The following KIRREL3 variants were observed in gnomAD, a reference collection of about 807,000 sequenced individuals.
KIRREL3 encodes kirre like nephrin family adhesion molecule 3, also known as kin of IRRE-like protein 3.
KIRREL3 carries 36 observed loss-of-function variants against 89.7 expected under a neutral mutation model. That is an observed-to-expected ratio of 0.40 (90% CI 0.31 to 0.53). The LOEUF is 0.53. Among genes scored for constraint, KIRREL3 ranks in the 20% least tolerant of loss-of-function variants. The pLI, the probability that KIRREL3 is intolerant of heterozygous loss-of-function variation, is 0.49. For synonymous variants in KIRREL3, 445 were observed against 441.4 expected (o/e 1.01, Z -0.10); for missense variants, 864 against 1,056.6 (o/e 0.82, Z 2.53).
intron 1 of KIRREL3, among the ~76,000 whole-genome samples, chr11:126,661,285 G>C (rs1005378942): frequency 6.6e-6 from 1 of 152,170 alleles, no homozygotes; most frequent in African/African-American, 2.4e-5. Flanking sequence ...GTTTGGTTGT[G>C]TGTTGTTTAT....
rs1359980722 is a variant in KIRREL3 at position 126,892,610 on chromosome 11, G to T, written c.55+107845C>A. On this transcript the variant is annotated intron_variant, in intron 1 of 16. Coordinates refer to ENST00000525144, the MANE Select transcript of KIRREL3 (RefSeq NM_032531.4). The surrounding 1 kb of genome is among the most constrained non-coding windows in gnomAD (Gnocchi z 5.4). ...TGTGCACGTGTGTGTGCATGTGCAC[G>T]TGTGTATGTATTATGTGTGTGTGTT... Among the ~76,000 whole-genome samples the T allele has an allele frequency of 1.3e-5, 2 of 152,216 alleles. No homozygotes were observed. Among genetic ancestry groups the T allele is most frequent in the Non-Finnish European group, 1.5e-5 (1 of 68,044 alleles).
chr11:126,979,730 A>C (rs1306205720), intron 1 of KIRREL3, among the ~76,000 whole-genome samples: 3 of 152,242 alleles, frequency 2.0e-5, no homozygotes. Flanking sequence ...GTGAAAACTT[A>C]AATGAAATCA....
intron 1 of KIRREL3, among the ~76,000 whole-genome samples, chr11:126,914,034 T>A (rs1946937302): frequency 6.6e-6 from 1 of 152,250 alleles, no homozygotes; most frequent in Non-Finnish European, 1.5e-5. Context: ...CGACTCTTGC[T>A]TGGCTTTGTG....
rs901439811 is a variant in KIRREL3 at position 126,795,004 on chromosome 11, C to T, written c.55+205451G>A. 1.3e-5 allele frequency among the ~76,000 whole-genome samples: 2 copies of T among 152,206 alleles called. No individual in the cohort carries two copies. Among genetic ancestry groups the T allele is most frequent in the African/African-American group, 4.8e-5 (2 of 41,436 alleles). Reference sequence around the variant, plus strand: ...GAAGTCAGTCTGAAAAGGCTAAATACTGTGTGATGTCAACTATATAATATT... The same window carrying T: ...GAAGTCAGTCTGAAAAGGCTAAATATTGTGTGATGTCAACTATATAATATT... On this transcript the variant is annotated intron_variant, in intron 1 of 16. Transcript: ENST00000525144. This position sits in a 1 kb window ranked among gnomAD's most constrained non-coding sequence, Gnocchi z 4.1.
chr11:126,659,107 A>T (rs1010301412), intron 1 of KIRREL3, among the ~76,000 whole-genome samples: 4 of 152,238 alleles, frequency 2.6e-5, no homozygotes, highest in African/African-American at 9.6e-5. Context: ...ACAGAAAATG[A>T]TACATTTTCC....
rs1030815548 is a variant in KIRREL3 at position 126,891,216 on chromosome 11, G to A, written c.55+109239C>T. On this transcript the variant is annotated intron_variant, in intron 1 of 16. Coordinates refer to ENST00000525144, the MANE Select transcript of KIRREL3 (RefSeq NM_032531.4). This position sits in a 1 kb window ranked among gnomAD's most constrained non-coding sequence, Gnocchi z 5.1. ...CAAGATACTGCAAATTATAAAGGGT[G>A]ATTAGGAAATAGCATGGCTCTCTAT... Among the ~76,000 whole-genome samples the A allele has an allele frequency of 6.6e-6, 1 of 152,192 alleles. No homozygotes were observed. The highest frequency in any genetic ancestry group is 1.5e-5 in the Non-Finnish European group (1 of 68,034).
In KIRREL3 at chr11:126,985,299, A is replaced by G. The variant is rs1222164703; in HGVS notation, c.55+15156T>C. On this transcript the variant is annotated intron_variant, in intron 1 of 16. Coordinates refer to ENST00000525144, the MANE Select transcript of KIRREL3 (RefSeq NM_032531.4). This position sits in a 1 kb window ranked among gnomAD's most constrained non-coding sequence, Gnocchi z 5.3. ...ATGTAAGAAATACTGATTGTATCTG[A>G]CTCTGCGCCCAAGTCCAACAAAGCC... Among the ~76,000 whole-genome samples the G allele has an allele frequency of 6.6e-6, 1 of 152,020 alleles. No homozygotes were observed. The highest frequency in any genetic ancestry group is 1.5e-5 in the Non-Finnish European group (1 of 68,012).
At chr11:126,706,523 A>G (rs927137960) in intron 1 of KIRREL3, among the ~76,000 whole-genome samples, 1 of 152,234 alleles carries the variant, frequency 6.6e-6, no homozygotes, top group Non-Finnish European at 1.5e-5. Flanking sequence ...AATGCTTAAT[A>G]AATGACATGT....
chr11:126,430,360 G>A lies in KIRREL3; in HGVS notation c.1696+1059C>T, dbSNP rs913378635. ...CTCAGGAGGCTTAGGCACGAGAATCGCTTGAACCTGGGAGGCGGAGGTTGC... is the reference window on the plus strand; with the variant it reads ...CTCAGGAGGCTTAGGCACGAGAATCACTTGAACCTGGGAGGCGGAGGTTGC... On this transcript the variant is annotated intron_variant, in intron 14 of 16. Transcript: ENST00000525144. This position sits in a 1 kb window ranked among gnomAD's most constrained non-coding sequence, Gnocchi z 6.6. Among the ~76,000 whole-genome samples, 1 of 152,238 alleles carries A rather than the reference G, an allele frequency of 6.6e-6. No individual in the cohort carries two copies. The highest frequency in any genetic ancestry group is 1.9e-4 in the East Asian group (1 of 5,180).
intron 2 of KIRREL3, among the ~76,000 whole-genome samples, chr11:126,543,560 A>G (rs1396015187): frequency 6.6e-6 from 1 of 151,816 alleles, no homozygotes; most frequent in East Asian, 1.9e-4. Flanking sequence ...AGGGTGTTTG[A>G]TCTGTGTGGT....
rs36034228 is a variant in KIRREL3, at chr11:126,695,406, CAAAAAAA to C, written c.56-132501_56-132495del. ...CCAAAGCCATTGGGATTAGCTTTAC[CAAAAAAA>C]AAAAAAAAAAAAAAAAAAGAGTCTC... On this transcript the variant is annotated intron_variant, in intron 1 of 16. Coordinates refer to ENST00000525144, the MANE Select transcript of KIRREL3 (RefSeq NM_032531.4). 3.6e-4 allele frequency among the ~76,000 whole-genome samples: 23 copies of C among 64,350 alleles called. 1 individual carries two copies. In the East Asian group the frequency reaches 4.9e-3, roughly 14 times the overall value. 42.2% of individuals were successfully genotyped at this position (64,350 alleles called of 152,430 possible). A position where few individuals can be genotyped will look rare whatever the true frequency, so the allele number is the denominator to read the frequency against.
intron 1 of KIRREL3, among the ~76,000 whole-genome samples, chr11:126,727,187 A>G (rs1189246119): frequency 6.6e-6 from 1 of 152,240 alleles, no homozygotes; most frequent in Non-Finnish European, 1.5e-5. Context: ...GCTCCTGTGC[A>G]CTTGGGTGTG....
chr11:126,812,878 G>A lies in KIRREL3; in HGVS notation c.55+187577C>T, dbSNP rs1277801619. On this transcript the variant is annotated intron_variant, in intron 1 of 16. Transcript: ENST00000525144. The surrounding 1 kb of genome is among the most constrained non-coding windows in gnomAD (Gnocchi z 5.2). ...TCCATCTAAAGGAAGTGGCCTACGG[G>A]AATCTGCGCACCTCTGCTGTGACCG... is the stretch of plus-strand genomic sequence containing the variant. 1.3e-5 allele frequency among the ~76,000 whole-genome samples: 2 copies of A among 152,210 alleles called. No individual in the cohort carries two copies. Among genetic ancestry groups the A allele is most frequent in the South Asian group, 2.1e-4 (1 of 4,834 alleles).
At position 126,917,370 on chromosome 11, in the gene KIRREL3, T is replaced by A. The variant is rs1235020678; in HGVS notation, c.55+83085A>T. ...TACAGTGATGAAAAAGTTCTGGAAA[T>A]AAATAGTGGTGATGGTTGCACAACA... On this transcript the variant is annotated intron_variant, in intron 1 of 16. Transcript: ENST00000525144. This position sits in a 1 kb window ranked among gnomAD's most constrained non-coding sequence, Gnocchi z 5.0. Among the ~76,000 whole-genome samples, 1 of 152,148 alleles carries A rather than the reference T, an allele frequency of 6.6e-6. No homozygotes were observed. Among genetic ancestry groups the A allele is most frequent in the Non-Finnish European group, 1.5e-5 (1 of 68,026 alleles).
intron 10 of KIRREL3, chr11:126,440,853 A>G (rs1229369260): frequency 6.7e-6 from 3 of 450,686 alleles, no homozygotes; most frequent in African/African-American, 6.0e-5. Flanking sequence ...GTGCTAACCG[A>G]CTTCAGAGGA....
chr11:126,517,023 G>A (rs187930071), intron 4 of KIRREL3, among the ~76,000 whole-genome samples: 65 of 152,218 alleles, frequency 4.3e-4, no homozygotes, highest in African/African-American at 1.5e-3. Context: ...AGCTGAGATC[G>A]TGCCTCTGCT....
At chr11:126,735,585 G>C (rs533546055) in intron 1 of KIRREL3, among the ~76,000 whole-genome samples, 1 of 152,334 alleles carries the variant, frequency 6.6e-6, no homozygotes, top group South Asian at 2.1e-4. Flanking sequence ...GGGCTTATTG[G>C]AGAAGGTGGC....
At position 126,445,103 on chromosome 11, in the gene KIRREL3, G is replaced by T. The variant is rs777158773; in HGVS notation, c.1128C>A (p.Val376=). 7 of 1,613,784 alleles carry T rather than the reference G, an allele frequency of 4.3e-6. No homozygotes were observed. The East Asian group carries it at 1.6e-4, about 36-fold the overall frequency. The change falls in exon 10 of 17, where the codon GTC becomes GTA. Residue 376 remains valine (V), a splice_region_variant and synonymous_variant. Transcript: ENST00000525144. ...GGGTCAGGGTCTTCTCATTGCTCAGGACCTAGGAGAATTGGCAGGCTCAGA... is the reference window on the plus strand; with the variant it reads ...GGGTCAGGGTCTTCTCATTGCTCAGTACCTAGGAGAATTGGCAGGCTCAGA... ...IVWMKRGSGV[V]LSNEKTLTLK...
chr11:126,626,660 C>T (rs559121), intron 1 of KIRREL3, among the ~76,000 whole-genome samples: 51,649 of 152,140 alleles, frequency 0.34, 9,136 homozygotes, highest in Admixed American at 0.44. Flanking sequence ...ACTGCTCCAC[C>T]GGTGCCTATC....
Sources: allele counts gnomAD v4.1 joint callset (sites outside exome capture counted in the v4.1 genomes callset), GRCh38; gene constraint gnomAD v4.1.1; non-coding constraint Gnocchi (gnomAD v3.1); transcripts MANE v1.5; gene names NCBI Gene and HGNC (gene_info 2026-07-23, HGNC 2026-07-21).